The following SNX24 variants were observed in gnomAD, a reference collection of about 807,000 sequenced individuals.
SNX24 encodes the protein sorting nexin 24.
A neutral mutation model predicts 28.7 loss-of-function variants in SNX24; 22 were observed. That is an observed-to-expected ratio of 0.77 (90% CI 0.55 to 1.10). The LOEUF (loss-of-function observed/expected upper bound fraction) is 1.10, where lower values mean the gene tolerates loss of function less well. Among genes scored for constraint, SNX24 ranks in the 50% least tolerant of loss-of-function variants. SNX24 has a pLI of 0.00. For missense variants in SNX24, 221 were observed against 201.1 expected (o/e 1.10, Z -0.60); for synonymous variants, 69 against 71.5 (o/e 0.96, Z 0.18).
At chr5:122,892,844 C>G (rs1297791601) in intron 1 of SNX24, among the ~76,000 whole-genome samples, 1 of 152,070 alleles carries the variant, frequency 6.6e-6, no homozygotes, top group African/African-American at 2.4e-5. Context: ...TCTCGGCTCA[C>G]TGCAAGCTCT....
At chr5:122,939,812 A>G (rs1759361568) in intron 2 of SNX24, among the ~76,000 whole-genome samples, 1 of 152,166 alleles carries the variant, frequency 6.6e-6, no homozygotes, top group African/African-American at 2.4e-5. Flanking sequence ...GAATTTCTAT[A>G]GTATGATTAT....
At chr5:122,956,404 A>G in intron 3 of SNX24, among the ~76,000 whole-genome samples, 1 of 145,930 alleles carries the variant, frequency 6.9e-6, no homozygotes, top group South Asian at 2.2e-4. Flanking sequence ...ACACACACAC[A>G]CATACACAGC....
At chr5:122,932,951 A>G (rs986447857) in intron 1 of SNX24, among the ~76,000 whole-genome samples, 8 of 151,844 alleles carry the variant, frequency 5.3e-5, no homozygotes, top group African/African-American at 9.7e-5. Context: ...AGACATTCCT[A>G]TTCATAACAG....
intron 5 of SNX24, among the ~76,000 whole-genome samples, chr5:123,015,970 AT>A (rs1561740630): frequency 6.6e-6 from 1 of 152,024 alleles, no homozygotes; most frequent in Admixed American, 6.6e-5. Flanking sequence ...GTAATAAAAA[AT>A]ATACCATTCA....
chr5:122,855,338 G>C (rs879834968), intron 1 of SNX24, among the ~76,000 whole-genome samples: 1 of 152,170 alleles, frequency 6.6e-6, no homozygotes, highest in Admixed American at 6.5e-5. Flanking sequence ...AAAGTGCTGG[G>C]ATTACAGGCA....
chr5:122,941,038 C>G (rs1470016256), intron 2 of SNX24, among the ~76,000 whole-genome samples: 1 of 152,196 alleles, frequency 6.6e-6, no homozygotes, highest in African/African-American at 2.4e-5. Flanking sequence ...TTCATCACCT[C>G]TCCTCTGACT....
At chr5:123,011,886 G>A (rs568562921), downstream of SNX24, among the ~76,000 whole-genome samples, 3 of 152,272 alleles carry the variant, frequency 2.0e-5, no homozygotes, top group East Asian at 3.9e-4. Flanking sequence ...ATATGGTTTG[G>A]CTGTGTCCCC....
rs140568741 is a variant in SNX24, at chr5:122,901,163, T to C, written c.61-35571T>C. Among the ~76,000 whole-genome samples, 1,405 of 150,018 alleles carry C rather than the reference T, an allele frequency of 9.4e-3. 9 individuals carry two copies. Among genetic ancestry groups the C allele is most frequent in the Middle Eastern group, 0.014 (4 of 292 alleles). On this transcript the variant is annotated intron_variant, in intron 1 of 6. Transcript: ENST00000261369. ...TGGCAGTGAGCCAAGATTGTGCTAT[T>C]GCACTCCAGCCTGGGTGACAAGAGC...
chr5:122,944,466 A>G (rs917387963), intron 2 of SNX24, among the ~76,000 whole-genome samples: 11 of 152,154 alleles, frequency 7.2e-5, no homozygotes, highest in Non-Finnish European at 1.5e-4. Flanking sequence ...GGAAATGAAT[A>G]TTGGCTAAGC....
chr5:122,908,203 A>G (rs1757730539), intron 1 of SNX24, among the ~76,000 whole-genome samples: 1 of 152,246 alleles, frequency 6.6e-6, no homozygotes, highest in South Asian at 2.1e-4. Flanking sequence ...CATTTCTGTG[A>G]TACAACCTCA....
intron 1 of SNX24, among the ~76,000 whole-genome samples, chr5:122,888,660 A>G (rs2150067928): frequency 6.6e-6 from 1 of 152,226 alleles, no homozygotes; most frequent in South Asian, 2.1e-4. Context: ...TGCCTCCGAT[A>G]TGCAGCTTTA....
At chr5:122,896,750 G>A (rs2150075514) in intron 1 of SNX24, among the ~76,000 whole-genome samples, 1 of 152,338 alleles carries the variant, frequency 6.6e-6, no homozygotes, top group South Asian at 2.1e-4. Context: ...ATAGACCACA[G>A]CTTATTTATA....
intron 5 of SNX24, among the ~76,000 whole-genome samples, chr5:123,016,800 G>A (rs1465851600): frequency 1.3e-5 from 2 of 152,166 alleles, no homozygotes; most frequent in Non-Finnish European, 2.9e-5. Context: ...ATTCATGGAT[G>A]GAGGTTGGAA....
intron 2 of SNX24, among the ~76,000 whole-genome samples, chr5:122,940,209 G>A (rs1334688063): frequency 5.3e-5 from 8 of 152,072 alleles, no homozygotes; most frequent in Non-Finnish European, 1.2e-4. Context: ...GGCCAGGCTA[G>A]TTTCGAACTC....
intron 1 of SNX24, among the ~76,000 whole-genome samples, chr5:122,913,598 G>T (rs565111879): frequency 1.3e-5 from 2 of 151,468 alleles, no homozygotes; most frequent in African/African-American, 2.4e-5. Flanking sequence ...GGCGGCTGCC[G>T]GGCGGAGGGT....
At chr5:122,857,957 A>G (rs1317989735) in intron 1 of SNX24, among the ~76,000 whole-genome samples, 1 of 151,962 alleles carries the variant, frequency 6.6e-6, no homozygotes, top group Non-Finnish European at 1.5e-5. Flanking sequence ...TAATTTTTGT[A>G]TTTTTAGTAG....
At chr5:123,020,917 A>G (rs945854314) in intron 5 of SNX24, among the ~76,000 whole-genome samples, 3 of 152,206 alleles carry the variant, frequency 2.0e-5, no homozygotes, top group Admixed American at 6.5e-5. Context: ...ACTGAGGTCC[A>G]GCACCTAGGC....
downstream of SNX24, among the ~76,000 whole-genome samples, chr5:123,009,716 C>T (rs963870903): frequency 2.6e-5 from 4 of 151,290 alleles, no homozygotes; most frequent in Non-Finnish European, 5.9e-5. Context: ...AGGTCTTTTA[C>T]GCAGAAAAGG....
chr5:122,962,908 C>T (rs868014540), intron 3 of SNX24, among the ~76,000 whole-genome samples: 3 of 152,074 alleles, frequency 2.0e-5, no homozygotes, highest in Non-Finnish European at 4.4e-5. Flanking sequence ...TCACCTAGAG[C>T]CCCCTATTAA....
Sources: allele counts gnomAD v4.1 joint callset (sites outside exome capture counted in the v4.1 genomes callset), GRCh38; gene constraint gnomAD v4.1.1; transcripts MANE v1.5; gene names NCBI Gene and HGNC (gene_info 2026-07-23, HGNC 2026-07-21).